Variants in FSIP1 observed in about 807,000 individuals in gnomAD.
FSIP1 encodes fibrous sheath-interacting protein 1.
In FSIP1, 65 loss-of-function variants were observed where a neutral mutation model predicts 60.9. That is an observed-to-expected ratio of 1.07 (90% CI 0.87 to 1.31). The LOEUF (loss-of-function observed/expected upper bound fraction) is 1.31. Among genes scored for constraint, FSIP1 ranks in the 40% most tolerant of loss-of-function variants. The pLI is 0.00. For synonymous variants in FSIP1, 209 were observed against 221.2 expected (o/e 0.94, Z 0.49); for missense variants, 675 against 665.5 (o/e 1.01, Z -0.16).
At chr15:39,747,681 A>G (rs1897043840) in intron 5 of FSIP1, among the ~76,000 whole-genome samples, 1 of 152,200 alleles carries the variant, frequency 6.6e-6, no homozygotes. Context: ...TTATTGCAAG[A>G]AAGATATCTG....
chr15:39,628,507 G>A (rs923526917), intron 10 of FSIP1, among the ~76,000 whole-genome samples: 53 of 152,174 alleles, frequency 3.5e-4, no homozygotes, highest in African/African-American at 1.2e-3. Context: ...GAATCAAAAT[G>A]AGGTGCGAGG....
intron 10 of FSIP1, among the ~76,000 whole-genome samples, chr15:39,709,118 T>G (rs993179280): frequency 1.3e-5 from 2 of 152,150 alleles, no homozygotes; most frequent in African/African-American, 4.8e-5. Context: ...TACTGACAAA[T>G]CAATCCTAGA....
At chr15:39,700,640 T>G (rs758502052) in intron 10 of FSIP1, among the ~76,000 whole-genome samples, 34 of 152,196 alleles carry the variant, frequency 2.2e-4, no homozygotes, top group Non-Finnish European at 4.4e-4. Context: ...TATGAAGGGA[T>G]GTCCTATGGC....
At chr15:39,619,778 G>A (rs769319814) in intron 10 of FSIP1, among the ~76,000 whole-genome samples, 5 of 152,000 alleles carry the variant, frequency 3.3e-5, no homozygotes, top group African/African-American at 7.2e-5. Context: ...AATTCCCTAC[G>A]ATTTAGAAAG....
intron 9 of FSIP1, among the ~76,000 whole-genome samples, chr15:39,723,761 T>C (rs1255399566): frequency 1.3e-5 from 2 of 152,244 alleles, no homozygotes; most frequent in African/African-American, 4.8e-5. Flanking sequence ...TGTTTGTGGA[T>C]TAGCAACTGA....
At chr15:39,640,269 T>C (rs576834095) in intron 10 of FSIP1, among the ~76,000 whole-genome samples, 1 of 152,304 alleles carries the variant, frequency 6.6e-6, no homozygotes, top group Admixed American at 6.5e-5. Context: ...TCATGACACC[T>C]TGAAAATTCT....
intron 9 of FSIP1, among the ~76,000 whole-genome samples, chr15:39,716,438 T>A (rs554258388): frequency 3.3e-5 from 5 of 152,134 alleles, no homozygotes; most frequent in South Asian, 4.1e-4. Context: ...TGAGAGAAAA[T>A]GATCATAACA....
At chr15:39,761,099 G>T (rs1322941893) in intron 5 of FSIP1, among the ~76,000 whole-genome samples, 1 of 152,096 alleles carries the variant, frequency 6.6e-6, no homozygotes, top group East Asian at 1.9e-4. Context: ...GTGGATTAAA[G>T]GAAACCCTTG....
At chr15:39,647,118 G>C (rs1365206554) in intron 10 of FSIP1, among the ~76,000 whole-genome samples, 6 of 152,178 alleles carry the variant, frequency 3.9e-5, no homozygotes, top group Admixed American at 2.0e-4. Context: ...TAGGAAATGG[G>C]GAGATATACA....
intron 9 of FSIP1, among the ~76,000 whole-genome samples, chr15:39,716,812 C>T (rs1470710817): frequency 2.9e-4 from 32 of 110,190 alleles, no homozygotes; most frequent in Non-Finnish European, 3.9e-4. Context: ...CAGGCCATGT[C>T]TTTTTTTTTT....
At chr15:39,731,542 G>A (rs1472368303) in intron 8 of FSIP1, among the ~76,000 whole-genome samples, 1 of 152,168 alleles carries the variant, frequency 6.6e-6, no homozygotes, top group Non-Finnish European at 1.5e-5. Flanking sequence ...TATGTCAGAC[G>A]AAATTCACCA....
rs56932964 is a variant in FSIP1, at chr15:39,767,750, C to T, written c.311-2004G>A. On this transcript the variant is annotated intron_variant, in intron 3 of 11. Transcript: ENST00000350221. ...AGCCAGAGGCAGTCAGAGGACAGTT[C>T]AGCCACTGGGCAGCCTGACTCCAGG... Among the ~76,000 whole-genome samples, 687 of 152,330 alleles carry T rather than the reference C, an allele frequency of 4.5e-3. 5 individuals are homozygous for T. The highest frequency in any genetic ancestry group is 0.015 in the African/African-American group (643 of 41,566).
At chr15:39,717,249 C>A (rs949872292) in intron 9 of FSIP1, among the ~76,000 whole-genome samples, 4 of 107,966 alleles carry the variant, frequency 3.7e-5, no homozygotes, top group Non-Finnish European at 7.9e-5. Flanking sequence ...AAACTGAAAA[C>A]AGCCCAGATG....
intron 10 of FSIP1, among the ~76,000 whole-genome samples, chr15:39,632,807 ATAAC>A (rs1187111452): frequency 6.6e-6 from 1 of 152,082 alleles, no homozygotes; most frequent in Non-Finnish European, 1.5e-5. Context: ...AAATAAATAA[ATAAC>A]TGTCTTTGGA....
At chr15:39,605,897 G>A (rs527907026) in intron 11 of FSIP1, among the ~76,000 whole-genome samples, 2 of 152,346 alleles carry the variant, frequency 1.3e-5, no homozygotes, top group South Asian at 2.1e-4. Context: ...AAACCAAGGT[G>A]TAGAGGAGAG....
intron 10 of FSIP1, among the ~76,000 whole-genome samples, chr15:39,708,642 T>A (rs535841439): frequency 3.3e-4 from 51 of 152,288 alleles, no homozygotes; most frequent in African/African-American, 1.2e-3. Flanking sequence ...CTGGGCTAAA[T>A]AAATACATGT....
intron 5 of FSIP1, among the ~76,000 whole-genome samples, chr15:39,746,901 G>C (rs1054394752): frequency 5.3e-5 from 8 of 152,058 alleles, no homozygotes; most frequent in African/African-American, 1.4e-4. Flanking sequence ...CTTTTAACAG[G>C]CTAGTTCAAA....
chr15:39,737,602 T>C (rs1012743176), intron 8 of FSIP1, among the ~76,000 whole-genome samples: 2 of 152,144 alleles, frequency 1.3e-5, no homozygotes, highest in African/African-American at 4.8e-5. Context: ...AAGTCAATAA[T>C]GAATTGACCA....
At chr15:39,698,151 A>G (rs1405140647) in intron 10 of FSIP1, among the ~76,000 whole-genome samples, 5 of 148,480 alleles carry the variant, frequency 3.4e-5, no homozygotes, top group Non-Finnish European at 7.4e-5. Flanking sequence ...TGTACAAAAC[A>G]CACTGGATTT....
Sources: gnomAD v4.1 joint callset for allele counts (sites outside exome capture counted in the v4.1 genomes callset) on GRCh38, gnomAD v4.1.1 for gene constraint, MANE v1.5 for transcripts, NCBI Gene and HGNC (gene_info 2026-07-23, HGNC 2026-07-21) for gene names.